TOMM20L: variants seen among roughly 807,000 people sequenced by gnomAD.
TOMM20L encodes the protein translocase of outer mitochondrial membrane 20 like, also known as TOMM20-like protein 1.
Under a neutral mutation model 20.4 loss-of-function variants are expected in TOMM20L, and 19 were observed. The observed-to-expected ratio is 0.93, with a 90% CI of 0.65 to 1.36. The LOEUF is 1.36. Among genes scored for constraint, TOMM20L ranks in the 40% most tolerant of loss-of-function variants. TOMM20L has a pLI of 0.00. For synonymous variants in TOMM20L, 75 were observed against 79.6 expected, an observed-to-expected ratio of 0.94 and a Z score of 0.30; for missense variants, 218 against 203.7, an observed-to-expected ratio of 1.07 and a Z score of -0.43.
intron 2 of TOMM20L, among the ~76,000 whole-genome samples, chr14:58,399,461 C>T (rs1478398019): frequency 1.3e-5 from 2 of 152,046 alleles, no homozygotes; most frequent in African/African-American, 4.8e-5. Flanking sequence ...ATGCAAATTC[C>T]TGGGCCCTAC....
intron 1 of TOMM20L, 41 bp downstream of exon 1, chr14:58,396,134 C>T: frequency 3.1e-6 from 4 of 1,277,504 alleles, no homozygotes; most frequent in Middle Eastern, 2.5e-4. Context: ...GGCCGGGCAG[C>T]GCGGGCGGGC....
the TOMM20L span, among the ~76,000 whole-genome samples, chr14:58,414,036 A>AAAAC: frequency 3.5e-5 from 5 of 144,304 alleles, no homozygotes; most frequent in African/African-American, 1.0e-4. Flanking sequence ...AAAAAAAAAA[A>AAAAC]GGTTTGTATA....
chr14:58,404,905 A>C (rs1197128726), intron 3 of TOMM20L, among the ~76,000 whole-genome samples: 1 of 152,236 alleles, frequency 6.6e-6, no homozygotes, highest in African/African-American at 2.4e-5. Flanking sequence ...GTGACTTTAC[A>C]TAAACCAGTG....
At chr14:58,408,785 G>A (rs2140308756), downstream of TOMM20L, 1 of 681,804 alleles carries the variant, frequency 1.5e-6, no homozygotes, top group East Asian at 3.0e-5. Context: ...AAGTGACCAA[G>A]CTGCTGAATC....
At chr14:58,396,815 C>T (rs1006240857) in intron 2 of TOMM20L, among the ~76,000 whole-genome samples, 23 of 152,180 alleles carry the variant, frequency 1.5e-4, no homozygotes, top group Admixed American at 1.2e-3. Flanking sequence ...AAGAGGCGGG[C>T]CGGGCTTGGT....
intron 2 of TOMM20L, chr14:58,399,073 G>A (rs1258249557): frequency 6.6e-6 from 1 of 152,128 alleles, no homozygotes. Context: ...CTTTTACAGA[G>A]ATGGGTTTCG....
At chr14:58,410,688 G>A (rs918311134), downstream of TOMM20L, among the ~76,000 whole-genome samples, 7 of 152,192 alleles carry the variant, frequency 4.6e-5, no homozygotes, top group Non-Finnish European at 5.9e-5. Flanking sequence ...ACTCAATGCC[G>A]TGGTTCAGTG....
At position 58,396,300 on chromosome 14, in the gene TOMM20L, A is replaced by G. The variant is rs2035917687; in HGVS notation, c.139A>G (p.Arg47Gly). ...CATGTGCCGTGTTGTGTTCGCAGAA[A>G]GAAGAGCAGAGCCTCAAAAGGCTGA... is the stretch of plus-strand genomic sequence containing the variant. ...PAFKRRLRDK[R>G]RAEPQKAEEQ... Residue 47 changes from arginine to glycine, a missense_variant and splice_region_variant, in exon 2 of 5, where the codon AGA (arginine) becomes GGA (glycine). Coordinates refer to ENST00000360945, the MANE Select transcript of TOMM20L (RefSeq NM_207377.3). 6.2e-7 allele frequency: 1 copy of G among 1,613,252 alleles called. No individual in the cohort carries two copies. Among genetic ancestry groups the G allele is most frequent in the Non-Finnish European group, 8.5e-7 (1 of 1,179,824 alleles).
Position 58,396,017 on chromosome 14 carries a change from C to G in TOMM20L, c.60C>G (p.Phe20Leu), listed in dbSNP as rs1264590164. The change falls in exon 1 of 5, where the codon TTC becomes TTG. Residue 20 changes from phenylalanine (F) to leucine (L), a missense_variant. Phe to Leu is a conservative substitution (Grantham distance 22). Transcript: ENST00000360945. Reference protein sequence around the residue: ...LLAAAAACGAFAFLGYCIYLN... With the variant: ...LLAAAAACGALAFLGYCIYLN... ...CCGCCGCGGCGGCCTGTGGCGCCTTCGCCTTCCTGGGCTATTGTATTTACC... is the reference window on the plus strand; with the variant it reads ...CCGCCGCGGCGGCCTGTGGCGCCTTGGCCTTCCTGGGCTATTGTATTTACC... 1 of 1,454,080 alleles carries G rather than the reference C, an allele frequency of 6.9e-7. No homozygotes were observed. The highest frequency in any genetic ancestry group is 9.1e-7 in the Non-Finnish European group (1 of 1,097,754). 90.1% of individuals were successfully genotyped at this position (1,454,080 alleles called of 1,614,324 possible).
At chr14:58,409,311 A>T, downstream of TOMM20L, 1 of 883,738 alleles carries the variant, frequency 1.1e-6, no homozygotes, top group Non-Finnish European at 1.7e-6. Flanking sequence ...GCAGCAACTG[A>T]CCATAGCTTT....
At chr14:58,414,976 C>T in the TOMM20L span, among the ~76,000 whole-genome samples, 130,357 of 151,952 alleles carry the variant, frequency 0.86, 57,007 homozygotes, top group East Asian at 0.99. Context: ...TGCATTACTG[C>T]CTCATGACAA....
downstream of TOMM20L, among the ~76,000 whole-genome samples, chr14:58,412,427 G>A (rs771569018): frequency 8.5e-5 from 13 of 152,136 alleles, no homozygotes; most frequent in East Asian, 3.9e-4. Context: ...GGCGTTAGCC[G>A]CCGTGCCCGG....
intron 3 of TOMM20L, among the ~76,000 whole-genome samples, chr14:58,404,968 ATTT>A (rs536048633): frequency 3.0e-4 from 43 of 143,240 alleles, no homozygotes; most frequent in South Asian, 1.5e-3. Flanking sequence ...CCCCCTAGCA[ATTT>A]TTTTTTTTTT....
At chr14:58,407,505 C>G (rs754890520) in intron 4 of TOMM20L, 37 bp downstream of exon 4, 6 of 1,580,570 alleles carry the variant, frequency 3.8e-6, no homozygotes, top group Non-Finnish European at 5.2e-6. Context: ...GAAATGTACA[C>G]AGTAAATAGC....
At chr14:58,404,116 TATA>T (rs1288542342) in intron 3 of TOMM20L, among the ~76,000 whole-genome samples, 6 of 19,520 alleles carry the variant, frequency 3.1e-4, no homozygotes, top group African/African-American at 6.7e-4. Context: ...TATATATATA[TATA>T]TTTTTTTTTT....
the TOMM20L span, among the ~76,000 whole-genome samples, chr14:58,415,795 A>C: frequency 2.0e-5 from 3 of 152,192 alleles, no homozygotes; most frequent in Non-Finnish European, 4.4e-5. Flanking sequence ...TAGTGGAAGA[A>C]ATAATGGCTG....
intron 3 of TOMM20L, among the ~76,000 whole-genome samples, chr14:58,404,099 G>GTGTGTATATATATATATATATA (rs1408980666): frequency 0.05 from 1,149 of 22,880 alleles, 359 homozygotes; most frequent in Non-Finnish European, 0.061. Flanking sequence ...ACATATATAT[G>GTGTGTATATATATATATATATA]TATATATATA....
chr14:58,403,694 C>T (rs181197844), intron 3 of TOMM20L, among the ~76,000 whole-genome samples: 16 of 151,646 alleles, frequency 1.1e-4, no homozygotes, highest in Middle Eastern at 3.4e-3. Context: ...AAAACTTAGC[C>T]GGGCATGGTG....
rs190064781 is a variant in TOMM20L at position 58,396,797 on chromosome 14, T to A, written c.180+456T>A. Among the ~76,000 whole-genome samples the A allele has an allele frequency of 1.2e-3, 186 of 152,314 alleles. 1 individual carries two copies. Among genetic ancestry groups the A allele is most frequent in the African/African-American group, 3.3e-3 (139 of 41,582 alleles). ...CAAAATTTGATTAGTCCCTTTTTTG[T>A]TGTTTTTAAGAGGCGGGCCGGGCTT... On this transcript the variant is annotated intron_variant, in intron 2 of 4. Transcript: ENST00000360945.
Sources: allele counts gnomAD v4.1 joint callset (sites outside exome capture counted in the v4.1 genomes callset), GRCh38; gene constraint gnomAD v4.1.1; transcripts MANE v1.5; gene names NCBI Gene and HGNC (gene_info 2026-07-23, HGNC 2026-07-21).